The following SYT1 variants were observed in gnomAD, a reference collection of about 807,000 sequenced individuals.
SYT1 encodes the protein synaptotagmin-1.
Under a neutral mutation model 44.8 loss-of-function variants are expected in SYT1, and 8 were observed. That is an observed-to-expected ratio of 0.18 (90% CI 0.10 to 0.32). The LOEUF (loss-of-function observed/expected upper bound fraction) is 0.32, where lower values mean the gene tolerates loss of function less well. Among genes scored for constraint, SYT1 ranks in the 10% least tolerant of loss-of-function variants. SYT1 has a pLI of 1.00. For missense variants in SYT1, 286 were observed against 509.3 expected (o/e 0.56, Z 4.22); for synonymous variants, 154 against 188.8 (o/e 0.82, Z 1.51).
rs566175647 is a variant in SYT1 at position 78,894,330 on chromosome 12, G to GTTTTTTTTTTTTTTTTTTTTTTTT, written c.-217+29233_-217+29256dup. 1.1e-4 allele frequency among the ~76,000 whole-genome samples: 3 copies of GTTTTTTTTTTTTTTTTTTTTTTTT among 27,732 alleles called. 1 individual carries two copies. The highest frequency in any genetic ancestry group is 1.3e-4 in the Non-Finnish European group (2 of 15,136). The allele number at this position is 27,732 out of a possible 152,430, so 18.2% of individuals were successfully genotyped here. A position where few individuals can be genotyped will look rare whatever the true frequency, so the allele number is the denominator to read the frequency against. On this transcript the variant is annotated intron_variant, in intron 1 of 10. Coordinates refer to ENST00000261205, the MANE Select transcript of SYT1 (RefSeq NM_005639.3). ...AATTTATGATTGTGTTTTTTAATCTGTTTTTTTTTTTTTTTTTTTTTTTTT... is the reference window on the plus strand; with the variant it reads ...AATTTATGATTGTGTTTTTTAATCTGTTTTTTTTTTTTTTTTTTTTTTTTTTTTTTTTTTTTTTTTTTTTTTTTT...
chr12:79,023,834 T>C (rs1872347586), intron 2 of SYT1, among the ~76,000 whole-genome samples: 1 of 151,708 alleles, frequency 6.6e-6, no homozygotes, highest in African/African-American at 2.4e-5. Flanking sequence ...ACATCCACTT[T>C]TGTTTTCTGA....
rs748213698 is a variant in SYT1 at position 79,349,056 on chromosome 12, AGGAGGGAG to A, written c.811-4430_811-4423del. Reference sequence around the variant, plus strand: ...GAAAAAGAAAGAAAGAAAGAAAGAAAGGAGGGAGGGAGGGAGGGAGGGAAGGAAGGGAG... The same window carrying A: ...GAAAAAGAAAGAAAGAAAGAAAGAAAGGAGGGAGGGAGGGAAGGAAGGGAG... On this transcript the variant is annotated intron_variant, in intron 8 of 10. Coordinates refer to ENST00000261205, the MANE Select transcript of SYT1 (RefSeq NM_005639.3). Among the ~76,000 whole-genome samples the A allele has an allele frequency of 2.1e-3, 270 of 125,968 alleles. 2 individuals are homozygous for A. The highest frequency in any genetic ancestry group is 8.0e-3 in the South Asian group (26 of 3,268). 82.6% of individuals were successfully genotyped at this position (125,968 alleles called of 152,430 possible).
chr12:78,951,430 A>G (rs915783824), intron 1 of SYT1, among the ~76,000 whole-genome samples: 1 of 152,158 alleles, frequency 6.6e-6, no homozygotes, highest in Non-Finnish European at 1.5e-5. Context: ...ATGGGCAAGG[A>G]ATTGTTATAA....
At chr12:79,328,535 C>T (rs1267468063) in intron 8 of SYT1, among the ~76,000 whole-genome samples, 2 of 152,146 alleles carry the variant, frequency 1.3e-5, no homozygotes, top group African/African-American at 4.8e-5. Context: ...TATCTCTTTA[C>T]CAACCTAACA....
rs1055643060 is a variant in SYT1 at position 78,945,306 on chromosome 12, T to G, written c.-216-32493T>G. Reference sequence around the variant, plus strand: ...GAGCATCTGTGAATGATTAATTGGATTTTTAGCCTAAGATATTCTTTCATG... The same window carrying G: ...GAGCATCTGTGAATGATTAATTGGAGTTTTAGCCTAAGATATTCTTTCATG... On this transcript the variant is annotated intron_variant, in intron 1 of 10. Transcript: ENST00000261205. Among the ~76,000 whole-genome samples the G allele has an allele frequency of 3.3e-5, 5 of 152,098 alleles. No homozygotes were observed. In the East Asian group the frequency reaches 9.6e-4, roughly 29 times the overall value.
intron 3 of SYT1, among the ~76,000 whole-genome samples, chr12:79,150,556 T>C (rs2138257784): frequency 6.6e-6 from 1 of 152,264 alleles, no homozygotes; most frequent in South Asian, 2.1e-4. Context: ...TAGTTAATAA[T>C]AATGTATATT....
intron 9 of SYT1, among the ~76,000 whole-genome samples, chr12:79,412,129 G>T (rs1215506188): frequency 6.6e-6 from 1 of 152,136 alleles, no homozygotes; most frequent in African/African-American, 2.4e-5. Context: ...TCCACAGTTT[G>T]ACCTTTTGAT....
chr12:79,110,970 G>T (rs1878979723), intron 3 of SYT1, among the ~76,000 whole-genome samples: 1 of 152,136 alleles, frequency 6.6e-6, no homozygotes, highest in African/African-American at 2.4e-5. Context: ...GTTGGATTAT[G>T]CAGGCACTGG....
intron 3 of SYT1, among the ~76,000 whole-genome samples, chr12:79,165,803 A>G (rs1304106457): frequency 1.3e-5 from 2 of 152,008 alleles, no homozygotes; most frequent in Non-Finnish European, 2.9e-5. Context: ...CACTGTTTAT[A>G]AAGATACATA....
At chr12:79,377,312 C>T (rs913174404) in intron 9 of SYT1, among the ~76,000 whole-genome samples, 2 of 152,150 alleles carry the variant, frequency 1.3e-5, no homozygotes, top group Admixed American at 6.6e-5. Flanking sequence ...GAGGTTTCAC[C>T]GTTTTAGCCA....
chr12:79,151,682 T>C (rs1277554285), intron 3 of SYT1, among the ~76,000 whole-genome samples: 1 of 152,162 alleles, frequency 6.6e-6, no homozygotes, highest in African/African-American at 2.4e-5. Flanking sequence ...AAGGAGCTGA[T>C]GGTTTGAGAG....
intron 2 of SYT1, among the ~76,000 whole-genome samples, chr12:79,013,914 T>C (rs1871598228): frequency 6.6e-6 from 1 of 151,650 alleles, no homozygotes; most frequent in Non-Finnish European, 1.5e-5. Context: ...GATAATGAGA[T>C]CAAGAGATTG....
At chr12:79,414,299 A>G (rs1000470036) in intron 9 of SYT1, among the ~76,000 whole-genome samples, 1 of 152,182 alleles carries the variant, frequency 6.6e-6, no homozygotes, top group Non-Finnish European at 1.5e-5. Flanking sequence ...ATTTTGGTGA[A>G]GCCGGAGTAT....
chr12:79,065,501 A>T (rs1369971890), intron 3 of SYT1, among the ~76,000 whole-genome samples: 1 of 152,210 alleles, frequency 6.6e-6, no homozygotes, highest in Non-Finnish European at 1.5e-5. Context: ...TTGAATATCA[A>T]ATAAAGCTGA....
intron 8 of SYT1, among the ~76,000 whole-genome samples, chr12:79,329,982 T>C (rs989057495): frequency 3.9e-5 from 6 of 152,206 alleles, no homozygotes; most frequent in Admixed American, 2.6e-4. Context: ...TTTATCGTAT[T>C]TGACCTCATT....
chr12:79,213,672 C>T (rs568772814), intron 3 of SYT1, among the ~76,000 whole-genome samples: 1 of 152,258 alleles, frequency 6.6e-6, no homozygotes, highest in African/African-American at 2.4e-5. Context: ...TGCCTGTAAT[C>T]CCAGCACTTT....
chr12:78,953,918 C>T (rs574453013), intron 1 of SYT1, among the ~76,000 whole-genome samples: 12 of 151,914 alleles, frequency 7.9e-5, no homozygotes, highest in African/African-American at 2.9e-4. Flanking sequence ...TTTAAAAATC[C>T]TCAATGATAT....
chr12:78,887,678 C>A (rs1366258764), intron 1 of SYT1, among the ~76,000 whole-genome samples: 1 of 151,810 alleles, frequency 6.6e-6, no homozygotes, highest in Non-Finnish European at 1.5e-5. Context: ...CCTATTAGGA[C>A]AAGAGCTCCT....
intron 2 of SYT1, among the ~76,000 whole-genome samples, chr12:78,978,664 T>A (rs190259364): frequency 2.3e-4 from 35 of 152,326 alleles, no homozygotes; most frequent in Admixed American, 1.0e-3. Flanking sequence ...GTGAGGTGAT[T>A]AGATTATCTC....
Sources: gnomAD v4.1 joint callset for allele counts (sites outside exome capture counted in the v4.1 genomes callset) on GRCh38, gnomAD v4.1.1 for gene constraint, MANE v1.5 for transcripts, NCBI Gene and HGNC (gene_info 2026-07-23, HGNC 2026-07-21) for gene names.